PCDHGA5: variants seen among roughly 807,000 people sequenced by gnomAD.
PCDHGA5 encodes protocadherin gamma subfamily A, 5.
Under a neutral mutation model 56.7 loss-of-function variants are expected in PCDHGA5, and 36 were observed. The ratio of observed to expected loss-of-function variants is 0.64; its 90% CI spans 0.49 to 0.84. PCDHGA5 has a LOEUF of 0.84. PCDHGA5 is among the 40% of genes least tolerant of loss of function. The pLI is 0.00. For missense variants in PCDHGA5, 1,305 were observed against 1,201.5 expected, an observed-to-expected ratio of 1.09 and a Z score of -1.27; for synonymous variants, 563 against 520.2, an observed-to-expected ratio of 1.08 and a Z score of -1.12.
rs1011731430 is a variant in PCDHGA5, at chr5:141,489,676, G to A, written c.2422-5131G>A. 6.2e-7 allele frequency: 1 copy of A among 1,614,158 alleles called. No individual in the cohort carries two copies. The highest frequency in any genetic ancestry group is 8.5e-7 in the Non-Finnish European group (1 of 1,180,008). On this transcript the variant is annotated intron_variant, in intron 1 of 3. Coordinates refer to ENST00000518069, the MANE Select transcript of PCDHGA5 (RefSeq NM_018918.3). This position sits in a 1 kb window ranked among gnomAD's most constrained non-coding sequence, Gnocchi z 4.5. ...GCGAGAGATGCGCATCTCAGAATCAGCAGCATCTGGGGCACGATTCCCACT... is the reference window on the plus strand; with the variant it reads ...GCGAGAGATGCGCATCTCAGAATCAACAGCATCTGGGGCACGATTCCCACT...
intron 1 of PCDHGA5, among the ~76,000 whole-genome samples, chr5:141,462,264 G>A (rs966953621): frequency 1.3e-5 from 2 of 152,174 alleles, no homozygotes; most frequent in African/African-American, 4.8e-5. Context: ...CCAGCCTAAA[G>A]TGTATTGTTT....
In PCDHGA5 at chr5:141,476,235, A is replaced by G; in HGVS notation, c.2422-18572A>G. ...GTCATTCACTATGAGATCCCGGAGG[A>G]AAGAGAGAAGGGTTTCGCTGTGGGC... is the stretch of plus-strand genomic sequence containing the variant. On this transcript the variant is annotated intron_variant, in intron 1 of 3. Coordinates refer to ENST00000518069, the MANE Select transcript of PCDHGA5 (RefSeq NM_018918.3). The surrounding 1 kb of genome is among the most constrained non-coding windows in gnomAD (Gnocchi z 7.6). 2 of 1,613,844 alleles carry G rather than the reference A, an allele frequency of 1.2e-6. No homozygotes were observed. Among genetic ancestry groups the G allele is most frequent in the Admixed American group, 1.7e-5 (1 of 59,990 alleles).
intron 1 of PCDHGA5, chr5:141,374,306 TTC>T (rs1561562207): frequency 6.2e-7 from 1 of 1,613,958 alleles, no homozygotes. Context: ...GATGCAGCTT[TTC>T]TCTCTGAATC....
Position 141,432,880 on chromosome 5 carries a change from C to T in PCDHGA5, c.2422-61927C>T, listed in dbSNP as rs865848752. ...CGGTCTCCTGCGTCTTCCTGGCCTT[C>T]GTCATCTTGCTGCTGGCGCTCAGGC... On this transcript the variant is annotated intron_variant, in intron 1 of 3. Transcript: ENST00000518069. The surrounding 1 kb of genome is among the most constrained non-coding windows in gnomAD (Gnocchi z 6.0). 1 of 1,614,194 alleles carries T rather than the reference C, an allele frequency of 6.2e-7. No individual in the cohort carries two copies. Among genetic ancestry groups the T allele is most frequent in the Non-Finnish European group, 8.5e-7 (1 of 1,180,008 alleles).
chr5:141,500,460 C>T (rs1421637554), intron 2 of PCDHGA5, among the ~76,000 whole-genome samples: 2 of 152,234 alleles, frequency 1.3e-5, no homozygotes, highest in South Asian at 2.1e-4. Context: ...CCGCCCGCCT[C>T]GGCCTCCCAA....
Position 141,384,659 on chromosome 5 carries a change from T to A in PCDHGA5, c.2421+17908T>A, listed in dbSNP as rs375759581. ...CCCCGCTCCGCAGAGCCCGGCTACC[T>A]GGTGACCAAGGTGGTGGCGGTGGAC... is the stretch of plus-strand genomic sequence containing the variant. On this transcript the variant is annotated intron_variant, in intron 1 of 3. Transcript: ENST00000518069. The A allele has an allele frequency of 3.1e-6, 5 of 1,614,076 alleles. No individual in the cohort carries two copies. In the African/African-American group the frequency reaches 6.7e-5, roughly 22 times the overall value.
intron 1 of PCDHGA5, among the ~76,000 whole-genome samples, chr5:141,457,687 G>A (rs2098927754): frequency 6.6e-6 from 1 of 152,198 alleles, no homozygotes; most frequent in Admixed American, 6.5e-5. Context: ...TAGGACTTTT[G>A]GATTGGCTTT....
chr5:141,427,994 C>T, intron 1 of PCDHGA5: 1 of 1,599,396 alleles, frequency 6.3e-7, no homozygotes, highest in Non-Finnish European at 8.6e-7. Flanking sequence ...CCGATGGCTC[C>T]GCACTCTTCG....
chr5:141,364,815 T>C lies in PCDHGA5; in HGVS notation c.485T>C (p.Val162Ala). 6.2e-7 allele frequency: 1 copy of C among 1,613,998 alleles called. No individual in the cohort carries two copies. The highest frequency in any genetic ancestry group is 1.1e-5 in the South Asian group (1 of 91,086). ...CTTCCCTTCGCGCGGGATGCGGATG[T>C]GGGTGTGAACTCTCTCCGGAGTTAC... ...LVLPFARDADVGVNSLRSYQL... is the reference protein window; with the variant it reads ...LVLPFARDADAGVNSLRSYQL... Residue 162 changes from valine (V) to alanine (A), a missense_variant, in exon 1 of 4, where the codon GTG (valine) becomes GCG (alanine). Physicochemically the swap from Val to Ala is moderately conservative, Grantham distance 64 (BLOSUM62 0). Coordinates refer to ENST00000518069, the MANE Select transcript of PCDHGA5 (RefSeq NM_018918.3).
intron 1 of PCDHGA5, chr5:141,478,803 T>G: frequency 2.1e-6 from 3 of 1,463,244 alleles, no homozygotes; most frequent in Non-Finnish European, 2.7e-6. Context: ...AGCACTCTTT[T>G]GCTATCACAA....
In PCDHGA5 at chr5:141,430,592, C is replaced by G; in HGVS notation, c.2421+63841C>G. The G allele has an allele frequency of 9.2e-6, 5 of 544,570 alleles. No individual in the cohort carries two copies. In the South Asian group the frequency reaches 3.1e-4, roughly 34 times the overall value. The allele number at this position is 544,570 out of a possible 1,614,324, so 33.7% of individuals were successfully genotyped here. ...AAGCGGAGATCCTGCTCGCCTTGCACGCGCCTGAAGCACAAAGCAGATAGC... is the reference window on the plus strand; with the variant it reads ...AAGCGGAGATCCTGCTCGCCTTGCAGGCGCCTGAAGCACAAAGCAGATAGC... On this transcript the variant is annotated intron_variant, in intron 1 of 3. Coordinates refer to ENST00000518069, the MANE Select transcript of PCDHGA5 (RefSeq NM_018918.3).
At chr5:141,370,791 T>C (rs1354354873) in intron 1 of PCDHGA5, 2 of 1,614,022 alleles carry the variant, frequency 1.2e-6, no homozygotes, top group Non-Finnish European at 1.7e-6. Flanking sequence ...CCCACCGACC[T>C]TTAGCCAAAA....
At chr5:141,481,913 C>CAAAAAA (rs34114744) in intron 1 of PCDHGA5, among the ~76,000 whole-genome samples, 2 of 90,846 alleles carry the variant, frequency 2.2e-5, no homozygotes, top group Non-Finnish European at 4.4e-5. Flanking sequence ...AACTCCATCT[C>CAAAAAA]AAAAAAAAAA....
intron 1 of PCDHGA5, among the ~76,000 whole-genome samples, chr5:141,425,869 C>T (rs1376765137): frequency 2.0e-5 from 3 of 152,198 alleles, no homozygotes. Context: ...TATAGATTCC[C>T]ATCTCTAAGG....
At chr5:141,419,457 A>AGGCCCGCGACCAGGGCT in intron 1 of PCDHGA5, 2 of 1,612,728 alleles carry the variant, frequency 1.2e-6, no homozygotes, top group Non-Finnish European at 1.7e-6. Context: ...CTCACGCTGC[A>AGGCCCGCGACCAGGGCT]GGCCCGCGAC....
At chr5:141,376,318 G>A (rs373956139) in intron 1 of PCDHGA5, 28 of 1,614,082 alleles carry the variant, frequency 1.7e-5, no homozygotes, top group Non-Finnish European at 1.9e-5. Context: ...GCGTGGAAGG[G>A]GTTCGGGCTT....
chr5:141,473,892 G>C (rs1247711441), intron 1 of PCDHGA5, among the ~76,000 whole-genome samples: 1 of 152,138 alleles, frequency 6.6e-6, no homozygotes, highest in African/African-American at 2.4e-5. Context: ...GGGTTCTGTT[G>C]GTTCATGAAG....
Position 141,477,919 on chromosome 5 carries a change from G to A in PCDHGA5, c.2422-16888G>A. 2.5e-6 allele frequency: 4 copies of A among 1,614,162 alleles called. No individual in the cohort carries two copies. The highest frequency in any genetic ancestry group is 8.5e-7 in the Non-Finnish European group (1 of 1,180,026). The stretch of plus-strand genomic sequence containing the variant: ...TGGTAGGCTGGGACGCGGATGCAGG[G>A]CACAATGCCTGGCTCTCCTACAGTC... On this transcript the variant is annotated intron_variant, in intron 1 of 3. Transcript: ENST00000518069. The surrounding 1 kb of genome is among the most constrained non-coding windows in gnomAD (Gnocchi z 4.9).
At chr5:141,376,617 G>A (rs1235600949) in intron 1 of PCDHGA5, 24 of 1,406,610 alleles carry the variant, frequency 1.7e-5, no homozygotes, top group Non-Finnish European at 2.2e-5. Context: ...ACCTCTTTTG[G>A]TACAGGAAGA....
Sources: allele counts gnomAD v4.1 joint callset (sites outside exome capture counted in the v4.1 genomes callset), GRCh38; gene constraint gnomAD v4.1.1; non-coding constraint Gnocchi (gnomAD v3.1); transcripts MANE v1.5; gene names NCBI Gene and HGNC (gene_info 2026-07-23, HGNC 2026-07-21).